DGKI: variants seen among roughly 807,000 people sequenced by gnomAD.
DGKI encodes DAG kinase iota.
DGKI carries 55 observed loss-of-function variants against 147.5 expected under a neutral mutation model. That is an observed-to-expected ratio of 0.37 (90% CI 0.30 to 0.47). The LOEUF (loss-of-function observed/expected upper bound fraction) is 0.47. DGKI is among the 20% of genes least tolerant of loss of function. The pLI, the probability that DGKI is intolerant of heterozygous loss-of-function variation, is 1.00. For missense variants in DGKI, 1,007 were observed against 1,323.8 expected (o/e 0.76, Z 3.71); for synonymous variants, 469 against 477.1 (o/e 0.98, Z 0.22).
intron 19 of DGKI, among the ~76,000 whole-genome samples, chr7:137,559,921 T>C (rs1818360809): frequency 6.6e-6 from 1 of 152,338 alleles, no homozygotes; most frequent in East Asian, 1.9e-4. Flanking sequence ...ATAAAATAGA[T>C]TTGTATAATT....
At chr7:137,832,144 C>T (rs925417112) in intron 1 of DGKI, among the ~76,000 whole-genome samples, 3 of 152,184 alleles carry the variant, frequency 2.0e-5, no homozygotes, top group Non-Finnish European at 4.4e-5. Context: ...TGTGGATTTT[C>T]CAGGTGCACA....
chr7:137,413,750 A>G (rs1233267490), intron 28 of DGKI, among the ~76,000 whole-genome samples: 2 of 152,182 alleles, frequency 1.3e-5, no homozygotes, highest in East Asian at 1.9e-4. Flanking sequence ...AACAGTGAGT[A>G]CATATGTGTT....
chr7:137,403,921 A>G (rs1047408363), intron 30 of DGKI, among the ~76,000 whole-genome samples: 4 of 152,170 alleles, frequency 2.6e-5, no homozygotes, highest in African/African-American at 9.7e-5. Context: ...TAATTTAAAA[A>G]TACAATGCCA....
Position 137,576,960 on chromosome 7 carries a change from G to T in DGKI, c.1761+262C>A, listed in dbSNP as rs76564093. On this transcript the variant is annotated intron_variant, in intron 17 of 32. Transcript: ENST00000614521. ...CACACGGTTGAATAACAGTTTTATT[G>T]TTCTGAAGTGACTTATGTGACCTTC... 6.0e-3 allele frequency among the ~76,000 whole-genome samples: 917 copies of T among 152,164 alleles called. 7 individuals carry two copies. Among genetic ancestry groups the T allele is most frequent in the African/African-American group, 0.021 (877 of 41,530 alleles).
chr7:137,756,765 T>C (rs1327156419), intron 1 of DGKI, among the ~76,000 whole-genome samples: 1 of 152,280 alleles, frequency 6.6e-6, no homozygotes, highest in East Asian at 1.9e-4. Context: ...AGAGACTACA[T>C]TGTGTAGATT....
chr7:137,408,702 G>A (rs11771790), intron 29 of DGKI, among the ~76,000 whole-genome samples: 1,623 of 152,020 alleles, frequency 0.011, 13 homozygotes, highest in Middle Eastern at 0.037. Context: ...TTCTATATGA[G>A]AGAAGACTGG....
chr7:137,586,433 GA>G (rs915063386), intron 13 of DGKI, among the ~76,000 whole-genome samples: 224 of 138,146 alleles, frequency 1.6e-3, no homozygotes, highest in African/African-American at 4.6e-3. Flanking sequence ...TCTCAAAAAA[GA>G]AAAAAAAAAA....
chr7:137,557,398 C>T (rs1646388), intron 19 of DGKI, among the ~76,000 whole-genome samples: 16,623 of 152,060 alleles, frequency 0.11, 2,051 homozygotes, highest in African/African-American at 0.3. Flanking sequence ...AAATGAATAA[C>T]AGAACAGAAT....
chr7:137,543,322 C>A (rs1018746607), intron 20 of DGKI, among the ~76,000 whole-genome samples: 1 of 151,974 alleles, frequency 6.6e-6, no homozygotes, highest in African/African-American at 2.4e-5. Flanking sequence ...TTTGTTTTGT[C>A]CTATTGGATG....
intron 1 of DGKI, among the ~76,000 whole-genome samples, chr7:137,730,085 C>T (rs74502704): frequency 1.1e-4 from 17 of 152,234 alleles, no homozygotes; most frequent in South Asian, 2.1e-4. Context: ...CCAGAGCTTT[C>T]GAGCTTTCTC....
At chr7:137,830,860 T>G (rs1798197435) in intron 1 of DGKI, among the ~76,000 whole-genome samples, 1 of 152,168 alleles carries the variant, frequency 6.6e-6, no homozygotes, top group Non-Finnish European at 1.5e-5. Flanking sequence ...GGGCTTTGGG[T>G]GACTTAGAAC....
chr7:137,466,828 T>G, intron 25 of DGKI, 74 bp downstream of exon 25: 143 of 1,492,072 alleles, frequency 9.6e-5, no homozygotes, highest in Middle Eastern at 1.7e-4. Context: ...GAAAAATTTA[T>G]GAGATTAGCT....
intron 1 of DGKI, among the ~76,000 whole-genome samples, chr7:137,750,839 G>A (rs1795471310): frequency 6.6e-6 from 1 of 152,178 alleles, no homozygotes; most frequent in Non-Finnish European, 1.5e-5. Flanking sequence ...AAGACTTCAT[G>A]TTGATATTCT....
intron 1 of DGKI, among the ~76,000 whole-genome samples, chr7:137,745,756 G>C (rs765170714): frequency 1.5e-4 from 23 of 152,214 alleles, no homozygotes; most frequent in African/African-American, 5.1e-4. Flanking sequence ...GTGAATAGAT[G>C]AGAGTTCTCA....
intron 1 of DGKI, among the ~76,000 whole-genome samples, chr7:137,721,280 G>C (rs755859807): frequency 4.6e-5 from 7 of 152,140 alleles, no homozygotes; most frequent in African/African-American, 1.7e-4. Flanking sequence ...CTGTATAAAG[G>C]CTTGTGTGTC....
chr7:137,564,436 A>G (rs1459514982), intron 19 of DGKI, among the ~76,000 whole-genome samples: 1 of 152,162 alleles, frequency 6.6e-6, no homozygotes, highest in Non-Finnish European at 1.5e-5. Flanking sequence ...CAAAAAGGAA[A>G]AGTATAAACA....
chr7:137,562,723 C>T (rs1818457862), intron 19 of DGKI, among the ~76,000 whole-genome samples: 1 of 152,006 alleles, frequency 6.6e-6, no homozygotes, highest in African/African-American at 2.4e-5. Flanking sequence ...AAATATTTAA[C>T]TTAATAAAGT....
At chr7:137,610,549 A>G (rs1327422268) in intron 8 of DGKI, among the ~76,000 whole-genome samples, 3 of 152,360 alleles carry the variant, frequency 2.0e-5, no homozygotes, top group African/African-American at 2.4e-5. Context: ...TTAGACTGCT[A>G]TCTTTAAAAG....
At chr7:137,535,798 C>T (rs1417171186) in intron 20 of DGKI, among the ~76,000 whole-genome samples, 2 of 152,022 alleles carry the variant, frequency 1.3e-5, no homozygotes, top group Non-Finnish European at 2.9e-5. Context: ...GACTGATTGC[C>T]GAGCTCTGGG....
Sources: allele counts gnomAD v4.1 joint callset (sites outside exome capture counted in the v4.1 genomes callset), GRCh38; gene constraint gnomAD v4.1.1; transcripts MANE v1.5; gene names NCBI Gene and HGNC (gene_info 2026-07-23, HGNC 2026-07-21).